The following SLCO2A1 variants were observed in gnomAD, a reference collection of about 807,000 sequenced individuals.
SLCO2A1 encodes the protein solute carrier organic anion transporter family member 2A1.
SLCO2A1 carries 60 observed loss-of-function variants against 71.7 expected under a neutral mutation model. The ratio of observed to expected loss-of-function variants is 0.84; its 90% CI spans 0.68 to 1.04. SLCO2A1 has a LOEUF of 1.04. SLCO2A1 is among the 50% of genes least tolerant of loss of function. SLCO2A1 has a pLI of 0.00. For synonymous variants in SLCO2A1, 308 were observed against 326.7 expected, an observed-to-expected ratio of 0.94 and a Z score of 0.62; for missense variants, 745 against 813.4, an observed-to-expected ratio of 0.92 and a Z score of 1.02.
At chr3:134,005,995 A>G in intron 1 of SLCO2A1, among the ~76,000 whole-genome samples, 1 of 151,936 alleles carries the variant, frequency 6.6e-6, no homozygotes, top group East Asian at 1.9e-4. Flanking sequence ...TTTTGTCTTA[A>G]TGATTACCCA....
chr3:133,973,894 G>A (rs552813010), intron 2 of SLCO2A1, 69 bp from the exon 3 acceptor site: 21 of 1,467,954 alleles, frequency 1.4e-5, no homozygotes, highest in East Asian at 4.8e-5. Flanking sequence ...GAGAAGACCC[G>A]ATCACACTTC....
intron 1 of SLCO2A1, among the ~76,000 whole-genome samples, chr3:133,992,230 A>T (rs1412207493): frequency 1.3e-5 from 2 of 152,194 alleles, no homozygotes; most frequent in Non-Finnish European, 2.9e-5. Context: ...GTATTTTTGC[A>T]CCTTGTGTTA....
intron 1 of SLCO2A1, among the ~76,000 whole-genome samples, chr3:133,998,033 G>GA (rs1438353057): frequency 6.6e-6 from 1 of 152,316 alleles, no homozygotes; most frequent in East Asian, 1.9e-4. Context: ...TCGCTCATCA[G>GA]AAAACCTGCC....
intron 1 of SLCO2A1, among the ~76,000 whole-genome samples, chr3:134,028,885 G>A (rs1165470419): frequency 6.6e-6 from 1 of 152,222 alleles, no homozygotes. Context: ...GGTCCTCCTG[G>A]ACCTGTGAGG....
At chr3:133,946,314 G>C (rs2108041077) in intron 9 of SLCO2A1, among the ~76,000 whole-genome samples, 1 of 151,284 alleles carries the variant, frequency 6.6e-6, no homozygotes, top group Middle Eastern at 3.5e-3. Flanking sequence ...ATTAGGCAAA[G>C]TCTTAAAAAA....
chr3:134,011,041 TTTTG>T (rs1007462072), intron 1 of SLCO2A1, among the ~76,000 whole-genome samples: 5 of 152,266 alleles, frequency 3.3e-5, no homozygotes, highest in African/African-American at 9.6e-5. Context: ...TGTCTGTTTT[TTTTG>T]TTTGTTTGTT....
chr3:133,965,839 T>C (rs1934152985), intron 3 of SLCO2A1, among the ~76,000 whole-genome samples: 1 of 152,144 alleles, frequency 6.6e-6, no homozygotes, highest in South Asian at 2.1e-4. Context: ...CTCTGGGCTA[T>C]GTGATGGCTG....
chr3:133,978,915 G>A (rs1174805007), intron 2 of SLCO2A1, among the ~76,000 whole-genome samples: 2 of 152,174 alleles, frequency 1.3e-5, no homozygotes, highest in Admixed American at 6.5e-5. Flanking sequence ...GGGATGGCAG[G>A]AAATGCTCGG....
At position 133,942,736 on chromosome 3, in the gene SLCO2A1, T is replaced by TC. The variant is rs1559929249; in HGVS notation, c.1493dup (p.Ser499IlefsTer79). 1 of 1,609,248 alleles carries TC rather than the reference T, an allele frequency of 6.2e-7. No individual in the cohort carries two copies. The highest frequency in any genetic ancestry group is 1.1e-5 in the South Asian group (1 of 90,112). On this transcript the variant is annotated frameshift_variant, in exon 11 of 14. Transcript: ENST00000310926. LOFTEE classifies it high-confidence loss of function. ...ACGATCCTGTCTTTGCTGAAGCGGATCCCCCGGTCACACAGCTGCAGTTCA... is the reference window on the plus strand; with the variant it reads ...ACGATCCTGTCTTTGCTGAAGCGGATCCCCCCGGTCACACAGCTGCAGTTCA...
intron 1 of SLCO2A1, among the ~76,000 whole-genome samples, chr3:133,984,921 A>C (rs1030204175): frequency 6.6e-6 from 1 of 152,184 alleles, no homozygotes; most frequent in Non-Finnish European, 1.5e-5. Flanking sequence ...TAGCAAGTGA[A>C]AACTATGATA....
intron 1 of SLCO2A1, among the ~76,000 whole-genome samples, chr3:133,987,507 TC>T (rs774159917): frequency 6.6e-6 from 1 of 151,708 alleles, no homozygotes; most frequent in Non-Finnish European, 1.5e-5. Flanking sequence ...CTGGAAGTCC[TC>T]CCCCCACCCC....
intron 3 of SLCO2A1, 43 bp from the exon 4 acceptor site, chr3:133,955,236 T>G (rs768375891): frequency 1.2e-5 from 18 of 1,547,946 alleles, no homozygotes; most frequent in Admixed American, 1.8e-5. Flanking sequence ...CCTGGTCTCC[T>G]GGTTCCACCG....
intron 3 of SLCO2A1, among the ~76,000 whole-genome samples, chr3:133,963,409 C>T (rs1934090328): frequency 6.6e-6 from 1 of 152,142 alleles, no homozygotes; most frequent in Non-Finnish European, 1.5e-5. Context: ...GGCTTTGCAC[C>T]AAGGTCTAGA....
At chr3:133,944,986 T>TGC in intron 10 of SLCO2A1, 109 bp downstream of exon 10, 2 of 1,266,610 alleles carry the variant, frequency 1.6e-6, no homozygotes, top group Non-Finnish European at 1.1e-6. Context: ...AATGAGTGTG[T>TGC]GTGTGGAGCC....
chr3:133,954,825 GT>G (rs1933840378), intron 4 of SLCO2A1, 140 bp downstream of exon 4: 1 of 645,688 alleles, frequency 1.5e-6, no homozygotes, highest in African/African-American at 1.8e-5. Context: ...AACCAAGTCT[GT>G]CGGATCCCCA....
intron 1 of SLCO2A1, among the ~76,000 whole-genome samples, chr3:133,985,148 T>A (rs1036496973): frequency 4.6e-5 from 7 of 152,238 alleles, no homozygotes; most frequent in Admixed American, 4.6e-4. Context: ...TCCCACAATG[T>A]GTTACCAGAA....
At chr3:133,977,234 T>G (rs958504206) in intron 2 of SLCO2A1, among the ~76,000 whole-genome samples, 1 of 152,248 alleles carries the variant, frequency 6.6e-6, no homozygotes, top group African/African-American at 2.4e-5. Flanking sequence ...TTGCTTCAAA[T>G]CATGCCCACA....
At chr3:133,957,534 G>A (rs1559935358) in intron 3 of SLCO2A1, among the ~76,000 whole-genome samples, 1 of 152,182 alleles carries the variant, frequency 6.6e-6, no homozygotes, top group African/African-American at 2.4e-5. Context: ...AAGTCTGATG[G>A]CAGCTTGAAA....
At chr3:134,020,380 C>G (rs969484170) in intron 1 of SLCO2A1, among the ~76,000 whole-genome samples, 1 of 152,254 alleles carries the variant, frequency 6.6e-6, no homozygotes, top group East Asian at 1.9e-4. Context: ...GGCGGATGGT[C>G]GAGGCAGCTC....
Sources: gnomAD v4.1 joint callset for allele counts (sites outside exome capture counted in the v4.1 genomes callset) on GRCh38, gnomAD v4.1.1 for gene constraint, MANE v1.5 for transcripts, NCBI Gene and HGNC (gene_info 2026-07-23, HGNC 2026-07-21) for gene names.